The following PCDHA12 variants were observed in gnomAD, a reference collection of about 807,000 sequenced individuals.
PCDHA12 encodes protocadherin alpha 12, also known as protocadherin alpha-12.
A neutral mutation model predicts 60.0 loss-of-function variants in PCDHA12; 44 were observed. The ratio of observed to expected loss-of-function variants is 0.73; its 90% CI spans 0.58 to 0.94. The LOEUF (loss-of-function observed/expected upper bound fraction) is 0.94. PCDHA12 is among the 40% of genes least tolerant of loss of function. The pLI, the probability that PCDHA12 is intolerant of heterozygous loss-of-function variation, is 0.00. For synonymous variants in PCDHA12, 569 were observed against 553.0 expected, an observed-to-expected ratio of 1.03 and a Z score of -0.40; for missense variants, 1,276 against 1,239.7, an observed-to-expected ratio of 1.03 and a Z score of -0.44.
chr5:140,979,882 A>C (rs1554241172), intron 2 of PCDHA12, among the ~76,000 whole-genome samples: 1 of 152,274 alleles, frequency 6.6e-6, no homozygotes, highest in Non-Finnish European at 1.5e-5. Context: ...TATCAAGTGA[A>C]TATTCACCAA....
At chr5:140,955,797 T>C (rs1374924586) in intron 1 of PCDHA12, among the ~76,000 whole-genome samples, 3 of 152,212 alleles carry the variant, frequency 2.0e-5, no homozygotes, top group Non-Finnish European at 4.4e-5. Flanking sequence ...TGTTTTTCTA[T>C]TTGTTTGTGT....
intron 3 of PCDHA12, among the ~76,000 whole-genome samples, chr5:141,002,792 A>G (rs576285489): frequency 6.6e-6 from 1 of 152,306 alleles, no homozygotes; most frequent in South Asian, 2.1e-4. Context: ...CATTTTATGG[A>G]TGAGGAAACT....
intron 3 of PCDHA12, among the ~76,000 whole-genome samples, chr5:140,990,233 G>A (rs782139012): frequency 5.3e-5 from 8 of 152,128 alleles, no homozygotes; most frequent in Non-Finnish European, 8.8e-5. Flanking sequence ...TGTAACTAGC[G>A]TTGTATTCCT....
At position 140,884,430 on chromosome 5, in the gene PCDHA12, T is replaced by G. The variant is rs1554181548; in HGVS notation, c.2367+6591T>G. The G allele has an allele frequency of 2.5e-6, 4 of 1,613,804 alleles. No homozygotes were observed. The African/African-American group carries it at 4.0e-5, about 16-fold the overall frequency. ...CTCACGTTGCTGCTGTATACTGCGC[T>G]GCGGTGCTCGGCACCGCCCACCGAG... On this transcript the variant is annotated intron_variant, in intron 1 of 3. Transcript: ENST00000398631.
intron 1 of PCDHA12, among the ~76,000 whole-genome samples, chr5:140,932,087 A>G (rs1262295013): frequency 6.6e-6 from 1 of 151,918 alleles, no homozygotes; most frequent in African/African-American, 2.4e-5. Flanking sequence ...TCAGGAAAAC[A>G]TGGTTTTTAT....
intron 1 of PCDHA12, among the ~76,000 whole-genome samples, chr5:140,916,213 T>A (rs2077480691): frequency 6.6e-6 from 1 of 152,134 alleles, no homozygotes; most frequent in Non-Finnish European, 1.5e-5. Context: ...CTGGGGAAGA[T>A]CCAAATATGC....
intron 1 of PCDHA12, among the ~76,000 whole-genome samples, chr5:140,893,595 T>C (rs13187419): frequency 0.05 from 7,691 of 152,298 alleles, 276 homozygotes; most frequent in Non-Finnish European, 0.072. Context: ...GGAAATACTT[T>C]ATTTCTCCTT....
chr5:140,903,273 T>G (rs1213268192), intron 1 of PCDHA12, among the ~76,000 whole-genome samples: 2 of 152,228 alleles, frequency 1.3e-5, no homozygotes, highest in Non-Finnish European at 2.9e-5. Flanking sequence ...AGTGAGGTAG[T>G]GTCTCATTGT....
chr5:140,903,401 T>C (rs577425497), intron 1 of PCDHA12, among the ~76,000 whole-genome samples: 1 of 152,218 alleles, frequency 6.6e-6, no homozygotes, highest in Non-Finnish European at 1.5e-5. Context: ...GAAACAGTAG[T>C]GCAGTCAGGA....
chr5:140,953,601 C>T (rs1448878513), intron 1 of PCDHA12, among the ~76,000 whole-genome samples: 3 of 152,014 alleles, frequency 2.0e-5, no homozygotes, highest in Non-Finnish European at 4.4e-5. Flanking sequence ...TTGTTTATTC[C>T]CCAGAGTCCT....
intron 3 of PCDHA12, among the ~76,000 whole-genome samples, chr5:140,982,945 G>A (rs2097017253): frequency 6.6e-6 from 1 of 151,722 alleles, no homozygotes; most frequent in Non-Finnish European, 1.5e-5. Flanking sequence ...TTTGGTTGAA[G>A]ACTATGGAAA....
At chr5:140,941,331 T>G (rs1277354289) in intron 1 of PCDHA12, among the ~76,000 whole-genome samples, 1 of 148,120 alleles carries the variant, frequency 6.8e-6, no homozygotes. Context: ...TTTTTTTTTT[T>G]TTTCAGATGG....
chr5:140,886,931 G>C (rs1426144437), intron 1 of PCDHA12, among the ~76,000 whole-genome samples: 1 of 151,756 alleles, frequency 6.6e-6, no homozygotes, highest in South Asian at 2.1e-4. Flanking sequence ...CTATGTGCCA[G>C]GCATGTTCTA....
At chr5:140,923,226 G>T (rs2081248805) in intron 1 of PCDHA12, among the ~76,000 whole-genome samples, 1 of 71,914 alleles carries the variant, frequency 1.4e-5, no homozygotes, top group Admixed American at 1.5e-4. Flanking sequence ...GATCGTTTGA[G>T]CCCAGAAGTT....
At chr5:140,969,235 A>G (rs781795606) in intron 1 of PCDHA12, 2 of 1,614,206 alleles carry the variant, frequency 1.2e-6, no homozygotes, top group Non-Finnish European at 1.7e-6. Flanking sequence ...CGGGAGCCCA[A>G]GCAGCAGTGA....
chr5:140,877,193 G>T lies in PCDHA12; in HGVS notation c.1721G>T (p.Gly574Val). 6.2e-7 allele frequency: 1 copy of T among 1,613,832 alleles called. No individual in the cohort carries two copies. Among genetic ancestry groups the T allele is most frequent in the Non-Finnish European group, 8.5e-7 (1 of 1,179,814 alleles). The change falls in exon 1 of 4, where the codon GGA becomes GTA. Residue 574 changes from glycine to valine, a missense_variant. Coordinates refer to ENST00000398631, the MANE Select transcript of PCDHA12 (RefSeq NM_018903.4). ...ALLATPAGSA[G>V]GAVSELVPRS... Reference sequence around the variant, plus strand: ...CTGGCGACTCCGGCTGGCAGCGCAGGAGGCGCAGTTAGCGAGTTGGTACCG... The same window carrying T: ...CTGGCGACTCCGGCTGGCAGCGCAGTAGGCGCAGTTAGCGAGTTGGTACCG...
intron 3 of PCDHA12, among the ~76,000 whole-genome samples, chr5:141,008,708 T>G (rs1197464501): frequency 1.3e-5 from 2 of 152,210 alleles, no homozygotes; most frequent in African/African-American, 4.8e-5. Flanking sequence ...GGTTTCTAGT[T>G]GCTTGAGTGT....
At chr5:140,923,664 T>C (rs898223251) in intron 1 of PCDHA12, among the ~76,000 whole-genome samples, 1 of 152,234 alleles carries the variant, frequency 6.6e-6, no homozygotes, top group Non-Finnish European at 1.5e-5. Context: ...CTTTGGGATA[T>C]CGTTCTCTCT....
intron 1 of PCDHA12, among the ~76,000 whole-genome samples, chr5:140,957,031 TG>T (rs1436652232): frequency 6.6e-6 from 1 of 152,182 alleles, no homozygotes; most frequent in Non-Finnish European, 1.5e-5. Flanking sequence ...TAGATATTTA[TG>T]GGAGTCATAT....
Sources: gnomAD v4.1 joint callset for allele counts (sites outside exome capture counted in the v4.1 genomes callset) on GRCh38, gnomAD v4.1.1 for gene constraint, MANE v1.5 for transcripts, NCBI Gene and HGNC (gene_info 2026-07-23, HGNC 2026-07-21) for gene names.